The following MYL11 variants were observed in gnomAD, a reference collection of about 807,000 sequenced individuals.
The protein encoded by MYL11 is myosin regulatory light chain 11.
At chr16:30,377,735 A>C in the MYL11 span, 1 of 1,590,104 alleles carries the variant, frequency 6.3e-7, no homozygotes, top group Non-Finnish European at 8.6e-7. Context: ...CCGGAGCAGC[A>C]AAGGGGCTGG....
At chr16:30,373,223 C>T in the MYL11 span, among the ~76,000 whole-genome samples, 2 of 151,970 alleles carry the variant, frequency 1.3e-5, no homozygotes, top group South Asian at 2.1e-4. Flanking sequence ...TTTGGGAGGT[C>T]GAGACGGGTG....
the MYL11 span, chr16:30,376,109 G>A: frequency 2.5e-6 from 4 of 1,602,974 alleles, no homozygotes; most frequent in Non-Finnish European, 3.4e-6. Context: ...GCTGGGCCAT[G>A]GGGGACCTAA....
At chr16:30,374,304 G>A in the MYL11 span, among the ~76,000 whole-genome samples, 2 of 150,300 alleles carry the variant, frequency 1.3e-5, no homozygotes, top group Admixed American at 6.6e-5. Context: ...GAGACAGAGC[G>A]AGACTGTCTA....
chr16:30,375,728 G>GAACAA, the MYL11 span: 1 of 1,065,012 alleles, frequency 9.4e-7, no homozygotes, highest in Non-Finnish European at 1.4e-6. Flanking sequence ...TTTAGGAACA[G>GAACAA]GGACTCGAAG....
the MYL11 span, chr16:30,376,120 C>T: frequency 6.2e-7 from 1 of 1,609,384 alleles, no homozygotes; most frequent in South Asian, 1.1e-5. Flanking sequence ...GGGGACCTAA[C>T]CCTCCCCACC....
chr16:30,376,783 A>C, the MYL11 span: 1 of 1,356,558 alleles, frequency 7.4e-7, no homozygotes, highest in Non-Finnish European at 1.0e-6. Context: ...AATTTCTACC[A>C]AGGCTGGGCC....
At chr16:30,374,070 T>C in the MYL11 span, among the ~76,000 whole-genome samples, 2 of 152,002 alleles carry the variant, frequency 1.3e-5, no homozygotes, top group Non-Finnish European at 2.9e-5. Flanking sequence ...CCCAGCACTT[T>C]GGGAGGCCTA....
chr16:30,374,633 C>G, the MYL11 span: 130 of 544,380 alleles, frequency 2.4e-4, no homozygotes, highest in East Asian at 1.7e-3. Flanking sequence ...CATGCTCCCC[C>G]CTTCCTCCCC....
the MYL11 span, among the ~76,000 whole-genome samples, chr16:30,375,549 A>G: frequency 6.6e-6 from 1 of 152,100 alleles, no homozygotes; most frequent in Non-Finnish European, 1.5e-5. Context: ...TCTGAGGCTC[A>G]GAGGAGCTAG....
At chr16:30,377,703 GT>G in the MYL11 span, 1 of 1,573,962 alleles carries the variant, frequency 6.4e-7, no homozygotes, top group Non-Finnish European at 8.7e-7. Context: ...CCAGGAGGAG[GT>G]GAGTGGGGAC....
the MYL11 span, chr16:30,371,062 G>T: frequency 6.6e-6 from 1 of 152,250 alleles, no homozygotes; most frequent in Non-Finnish European, 1.5e-5. Flanking sequence ...AATTCGCCCC[G>T]TCAGCCAATG....
At chr16:30,377,596 G>A in the MYL11 span, 2 of 1,413,210 alleles carry the variant, frequency 1.4e-6, no homozygotes, top group Non-Finnish European at 1.9e-6. Flanking sequence ...TGAGGTGCGA[G>A]GGAGTGGAAA....
chr16:30,376,779 T>G, the MYL11 span: 31 of 1,388,806 alleles, frequency 2.2e-5, no homozygotes, highest in Non-Finnish European at 2.7e-5. Flanking sequence ...CTTAAATTTC[T>G]ACCAAGGCTG....
At chr16:30,376,116 C>A in the MYL11 span, 8 of 1,607,880 alleles carry the variant, frequency 5.0e-6, no homozygotes, top group African/African-American at 1.3e-5. Flanking sequence ...CATGGGGGAC[C>A]TAACCCTCCC....
the MYL11 span, among the ~76,000 whole-genome samples, chr16:30,371,665 C>T: frequency 6.6e-6 from 1 of 152,060 alleles, no homozygotes; most frequent in African/African-American, 2.4e-5. Context: ...GGATCTCAAA[C>T]CCCAAATCCA....
At chr16:30,371,917 C>T in the MYL11 span, among the ~76,000 whole-genome samples, 1 of 152,222 alleles carries the variant, frequency 6.6e-6, no homozygotes, top group East Asian at 1.9e-4. Context: ...TTCTCTGACC[C>T]CCATATTCTG....
At chr16:30,376,034 T>G in the MYL11 span, 1 of 1,479,944 alleles carries the variant, frequency 6.8e-7, no homozygotes, top group Non-Finnish European at 9.3e-7. Context: ...CCCTCTCTGC[T>G]TGGGGTGGAA....
At chr16:30,377,246 G>A in the MYL11 span, among the ~76,000 whole-genome samples, 1 of 151,868 alleles carries the variant, frequency 6.6e-6, no homozygotes, top group Admixed American at 6.6e-5. Context: ...TCGCGGGAGT[G>A]GTGGCAAACA....
chr16:30,376,023 C>A, the MYL11 span: 1 of 1,481,602 alleles, frequency 6.7e-7, no homozygotes, highest in Non-Finnish European at 9.3e-7. Flanking sequence ...ATTCCTTCCT[C>A]CCCTCTCTGC....
Sources: allele counts gnomAD v4.1 joint callset (sites outside exome capture counted in the v4.1 genomes callset), GRCh38; gene constraint gnomAD v4.1.1; transcripts MANE v1.5; gene names NCBI Gene and HGNC (gene_info 2026-07-23, HGNC 2026-07-21).